Variants in HIPK3 observed in about 807,000 individuals in gnomAD.
The protein encoded by HIPK3 is homeodomain-interacting protein kinase 3.
A neutral mutation model predicts 124.2 loss-of-function variants in HIPK3; 47 were observed. The ratio of observed to expected loss-of-function variants is 0.38; its 90% CI spans 0.30 to 0.48. HIPK3 has a LOEUF of 0.48. Ranked by LOEUF, HIPK3 falls within the 20% of genes least tolerant of loss-of-function variation. HIPK3 has a pLI of 0.98. For missense variants in HIPK3, 1,286 were observed against 1,454.3 expected (o/e 0.88, Z 1.88); for synonymous variants, 482 against 515.2 (o/e 0.94, Z 0.87).
At chr11:33,314,211 T>A (rs1379818253) in intron 2 of HIPK3, among the ~76,000 whole-genome samples, 3 of 152,230 alleles carry the variant, frequency 2.0e-5, no homozygotes, top group Admixed American at 2.0e-4. Context: ...TGCATAGGTT[T>A]GTATAAGCCC....
chr11:33,304,577 A>G (rs1468433591), intron 2 of HIPK3, among the ~76,000 whole-genome samples: 2 of 152,148 alleles, frequency 1.3e-5, no homozygotes, highest in African/African-American at 2.4e-5. Flanking sequence ...AAAAGAGGTA[A>G]TGGAAGCTCT....
At chr11:33,264,159 C>CTT (rs879609930) in intron 1 of HIPK3, among the ~76,000 whole-genome samples, 2 of 144,096 alleles carry the variant, frequency 1.4e-5, no homozygotes, top group Admixed American at 1.4e-4. Flanking sequence ...CTAACCTTGT[C>CTT]TTTTTTTTTT....
At position 33,356,079 on chromosome 11, in the gene HIPK3, G is replaced by A. The variant is rs1853809309; in HGVS notation, c.*2511G>A. On this transcript the variant is annotated 3_prime_UTR_variant, in exon 17 of 17. Transcript: ENST00000303296. ...CAAAGGATTGATTGTATCACAACAG[G>A]TACAAAACTGACAGAGTTTTCTTTT... 2 of 151,924 alleles carry A rather than the reference G, an allele frequency of 1.3e-5. No homozygotes were observed. The highest frequency in any genetic ancestry group is 1.3e-4 in the Admixed American group (2 of 15,268). The allele number at this position is 151,924 out of a possible 1,614,324, so 9.4% of individuals were successfully genotyped here.
intron 2 of HIPK3, among the ~76,000 whole-genome samples, chr11:33,304,179 T>A (rs1852086876): frequency 6.6e-6 from 1 of 152,192 alleles, no homozygotes; most frequent in South Asian, 2.1e-4. Flanking sequence ...GACCTCGTGA[T>A]CTACCCACCT....
chr11:33,279,898 T>G (rs75420770), intron 1 of HIPK3, among the ~76,000 whole-genome samples: 8,562 of 151,974 alleles, frequency 0.056, 278 homozygotes, highest in Middle Eastern at 0.095. Flanking sequence ...AGGCCTCTTT[T>G]ATGTAAAAGA....
chr11:33,348,550 C>G lies in HIPK3; in HGVS notation c.2398C>G (p.Pro800Ala), dbSNP rs1341216664. The G allele has an allele frequency of 1.2e-6, 2 of 1,612,486 alleles. No individual in the cohort carries two copies. Residue 800 changes from proline (P) to alanine (A), a missense_variant, in exon 13 of 17, where the codon CCA (proline) becomes GCA (alanine). By Grantham distance (27) the Pro-to-Ala change is conservative. Around this residue, in one of 3 missense-constraint regions of HIPK3, gnomAD observed 810 missense variants for 864.9 expected, o/e 0.94. Coordinates refer to ENST00000303296, the MANE Select transcript of HIPK3 (RefSeq NM_005734.5). The part of the protein sequence containing the change: ...WSNSLQNTNI[P>A]HSAFISPKII... ...TAATTCATTACAGAATACCAATATC[C>G]CACATTCAGCATTTATTTCTCCAAA...
rs1853742748 is a variant in HIPK3 at position 33,353,761 on chromosome 11, T to C, written c.*193T>C. On this transcript the variant is annotated 3_prime_UTR_variant, in exon 17 of 17. Coordinates refer to ENST00000303296, the MANE Select transcript of HIPK3 (RefSeq NM_005734.5). ...ATTTGGTATAACTTGTCTTTGGTCA[T>C]GTTATCTTCTTATGTAGTAACTCTA... The C allele has an allele frequency of 1.8e-6, 1 of 545,352 alleles. No individual in the cohort carries two copies. Among genetic ancestry groups the C allele is most frequent in the South Asian group, 2.1e-5 (1 of 48,082 alleles). The allele number at this position is 545,352 out of a possible 1,614,324, so 33.8% of individuals were successfully genotyped here.
chr11:33,264,718 T>G (rs1373389815), intron 1 of HIPK3, among the ~76,000 whole-genome samples: 1 of 152,232 alleles, frequency 6.6e-6, no homozygotes, highest in Non-Finnish European at 1.5e-5. Context: ...ATTCTTTAAC[T>G]TCCCCCTACT....
chr11:33,350,102 C>G (rs1042586575), intron 14 of HIPK3, among the ~76,000 whole-genome samples: 1 of 152,192 alleles, frequency 6.6e-6, no homozygotes, highest in Admixed American at 6.6e-5. Flanking sequence ...AAGCCACATT[C>G]TTAATTTCAG....
rs368733488 is a variant in HIPK3, at chr11:33,344,727, A to G, written c.1898-2566A>G. On this transcript the variant is annotated intron_variant, in intron 8 of 16. Transcript: ENST00000303296. ...AAGCACAGTATGTTTTAGCTTTTAT[A>G]ACAGGTGCAGTTGCAGCAACAGGCC... is the stretch of plus-strand genomic sequence containing the variant. Among the ~76,000 whole-genome samples, 5 of 152,322 alleles carry G rather than the reference A, an allele frequency of 3.3e-5. No homozygotes were observed. In the East Asian group the frequency reaches 9.6e-4, roughly 29 times the overall value.
intron 2 of HIPK3, among the ~76,000 whole-genome samples, chr11:33,321,176 C>T (rs563413566): frequency 2.6e-5 from 4 of 152,248 alleles, no homozygotes; most frequent in Admixed American, 2.6e-4. Context: ...TAATAATCAG[C>T]TGTGTTAAAT....
intron 2 of HIPK3, among the ~76,000 whole-genome samples, chr11:33,324,301 C>G (rs996280175): frequency 6.6e-6 from 1 of 152,152 alleles, no homozygotes; most frequent in Non-Finnish European, 1.5e-5. Flanking sequence ...CTGGCAGTTT[C>G]ATCTAGATTT....
At chr11:33,296,993 G>A (rs749646383) in intron 2 of HIPK3, among the ~76,000 whole-genome samples, 7 of 152,002 alleles carry the variant, frequency 4.6e-5, no homozygotes, top group Non-Finnish European at 7.3e-5. Flanking sequence ...GTCAAGTGGC[G>A]AATACAAAGG....
At chr11:33,285,222 A>G (rs1590356845) in intron 1 of HIPK3, among the ~76,000 whole-genome samples, 1 of 152,258 alleles carries the variant, frequency 6.6e-6, no homozygotes, top group East Asian at 1.9e-4. Flanking sequence ...TAAAATAAAT[A>G]GAATGTCATT....
chr11:33,280,727 G>T (rs527829993), intron 1 of HIPK3, among the ~76,000 whole-genome samples: 201 of 152,288 alleles, frequency 1.3e-3, no homozygotes, highest in Admixed American at 2.4e-3. Context: ...GGAATGGCAG[G>T]ATCCAGAAAT....
chr11:33,312,099 A>G (rs1852367754), intron 2 of HIPK3, among the ~76,000 whole-genome samples: 2 of 152,162 alleles, frequency 1.3e-5, no homozygotes, highest in African/African-American at 4.8e-5. Context: ...GCCTCAAGCT[A>G]TCCTTCTGCC....
At chr11:33,278,579 T>G (rs554358676) in intron 1 of HIPK3, among the ~76,000 whole-genome samples, 2 of 152,234 alleles carry the variant, frequency 1.3e-5, no homozygotes, top group Admixed American at 6.5e-5. Context: ...GCATGCTCAC[T>G]GTACTTAATG....
upstream of HIPK3, chr11:33,257,309 CGGGCGGT>C: frequency 1.0e-6 from 1 of 983,356 alleles, no homozygotes; most frequent in Non-Finnish European, 1.2e-6. Context: ...CGCTGCCGGG[CGGGCGGT>C]GGCGCTGCGG....
At chr11:33,289,308 G>A (rs774815905) in intron 2 of HIPK3, among the ~76,000 whole-genome samples, 2 of 152,092 alleles carry the variant, frequency 1.3e-5, no homozygotes, top group Non-Finnish European at 2.9e-5. Flanking sequence ...AGCCAGGAAT[G>A]TTGGTAAATG....
Sources: gnomAD v4.1 joint callset for allele counts (sites outside exome capture counted in the v4.1 genomes callset) on GRCh38, gnomAD v4.1.1 for gene constraint, gnomAD v4.1.1 regional missense constraint, MANE v1.5 for transcripts, NCBI Gene and HGNC (gene_info 2026-07-23, HGNC 2026-07-21) for gene names.